Variants in KAZN observed in about 807,000 individuals in gnomAD.
KAZN encodes the protein kazrin, periplakin interacting protein, also known as kazrin.
In KAZN, 40 loss-of-function variants were observed where a neutral mutation model predicts 87.4. The ratio of observed to expected loss-of-function variants is 0.46; its 90% CI spans 0.36 to 0.60. The LOEUF is 0.60. KAZN is among the 20% of genes least tolerant of loss of function. The probability of loss-of-function intolerance (pLI) is 0.00; values close to 1 mark genes in which losing one functional copy is unlikely to be tolerated. For missense variants in KAZN, 898 were observed against 1,073.9 expected (o/e 0.84, Z 2.29); for synonymous variants, 466 against 458.3 (o/e 1.02, Z -0.22).
At chr1:14,308,529 TATATC>T (rs964270900) in intron 2 of KAZN, among the ~76,000 whole-genome samples, 4 of 152,240 alleles carry the variant, frequency 2.6e-5, no homozygotes, top group Non-Finnish European at 4.4e-5. Flanking sequence ...GAATTTCAGT[TATATC>T]AAAATTAAAA....
chr1:14,275,979 G>C (rs1652313101), intron 2 of KAZN, among the ~76,000 whole-genome samples: 1 of 152,150 alleles, frequency 6.6e-6, no homozygotes, highest in African/African-American at 2.4e-5. Context: ...AACATTTCCA[G>C]ACTGCTTTGT....
intron 2 of KAZN, among the ~76,000 whole-genome samples, chr1:14,213,603 G>C (rs1334789781): frequency 1.3e-5 from 2 of 152,194 alleles, no homozygotes; most frequent in South Asian, 4.1e-4. Context: ...GAGGTTAGTT[G>C]GTTAGAAAGG....
intron 2 of KAZN, 126 bp from the exon 3 acceptor site, chr1:15,034,623 T>G: frequency 8.6e-7 from 1 of 1,166,790 alleles, no homozygotes. Flanking sequence ...AAGGGACATT[T>G]CGTCTTTCTG....
intron 1 of KAZN, among the ~76,000 whole-genome samples, chr1:14,808,687 T>C (rs944998565): frequency 5.3e-5 from 8 of 152,146 alleles, no homozygotes; most frequent in Non-Finnish European, 1.0e-4. Flanking sequence ...TGAGATGTAT[T>C]ATTACAAAAA....
chr1:14,244,156 A>G (rs1379655654), intron 2 of KAZN, among the ~76,000 whole-genome samples: 4 of 152,210 alleles, frequency 2.6e-5, no homozygotes, highest in Non-Finnish European at 4.4e-5. Flanking sequence ...CCCTCTTTTC[A>G]GTTCCTTGAA....
At chr1:14,682,292 T>A (rs1640714581) in intron 1 of KAZN, among the ~76,000 whole-genome samples, 2 of 45,100 alleles carry the variant, frequency 4.4e-5, no homozygotes, top group Admixed American at 4.1e-4. Context: ...CAGAATTTCC[T>A]TTTTTTTTTT....
At chr1:14,841,716 T>C (rs1465545900) in intron 1 of KAZN, among the ~76,000 whole-genome samples, 1 of 152,214 alleles carries the variant, frequency 6.6e-6, no homozygotes, top group Non-Finnish European at 1.5e-5. Context: ...AGCAGGACTT[T>C]GTATTTTCCT....
intron 1 of KAZN, among the ~76,000 whole-genome samples, chr1:14,055,785 A>G (rs1375072111): frequency 6.6e-6 from 1 of 152,232 alleles, no homozygotes; most frequent in Non-Finnish European, 1.5e-5. Context: ...TCCACAGAGC[A>G]AAGGAAAATG....
chr1:15,071,486 C>T (rs1027101043), intron 8 of KAZN, among the ~76,000 whole-genome samples: 1 of 152,122 alleles, frequency 6.6e-6, no homozygotes, highest in Non-Finnish European at 1.5e-5. Context: ...AACGCCTGAC[C>T]TCAGGTGATC....
At chr1:14,685,208 T>C (rs1323973243) in intron 1 of KAZN, among the ~76,000 whole-genome samples, 1 of 152,172 alleles carries the variant, frequency 6.6e-6, no homozygotes, top group African/African-American at 2.4e-5. Flanking sequence ...CAGCTCCCAC[T>C]GGGAGAATGG....
chr1:13,943,863 A>G (rs1641033739), intron 1 of KAZN, among the ~76,000 whole-genome samples: 1 of 152,260 alleles, frequency 6.6e-6, no homozygotes, highest in Non-Finnish European at 1.5e-5. Context: ...AAGAACAGCT[A>G]CAATAAATAG....
At position 14,887,522 on chromosome 1, in the gene KAZN, G is replaced by A. The variant is rs182642237; in HGVS notation, c.227-73162G>A. Among the ~76,000 whole-genome samples the A allele has an allele frequency of 1.2e-4, 19 of 152,322 alleles. No individual in the cohort carries two copies. The East Asian group carries it at 2.1e-3, about 17-fold the overall frequency. On this transcript the variant is annotated intron_variant, in intron 1 of 14. Coordinates refer to ENST00000376030, the MANE Select transcript of KAZN (RefSeq NM_201628.3). Reference sequence around the variant, plus strand: ...TGACATTTCTAGTTTGTCTGCCTACGCAGGGTTATCAGGAGTAAAATAATT... The same window carrying A: ...TGACATTTCTAGTTTGTCTGCCTACACAGGGTTATCAGGAGTAAAATAATT...
chr1:14,539,261 A>G (rs1434565513), intron 2 of KAZN, among the ~76,000 whole-genome samples: 1 of 152,266 alleles, frequency 6.6e-6, no homozygotes, highest in Non-Finnish European at 1.5e-5. Flanking sequence ...AGGATATGGT[A>G]GAATTTGACC....
intron 2 of KAZN, among the ~76,000 whole-genome samples, chr1:14,546,907 T>A (rs1673182120): frequency 6.6e-6 from 1 of 152,190 alleles, no homozygotes; most frequent in African/African-American, 2.4e-5. Flanking sequence ...CTTTCCTGGA[T>A]CTGGAGTTCA....
intron 1 of KAZN, among the ~76,000 whole-genome samples, chr1:14,760,465 C>G (rs2100542354): frequency 6.6e-6 from 1 of 152,326 alleles, no homozygotes; most frequent in Non-Finnish European, 1.5e-5. Context: ...CAACTCGGCA[C>G]TCGCTGGCCC....
At chr1:15,035,235 CTA>C (rs1672141002) in intron 3 of KAZN, among the ~76,000 whole-genome samples, 2 of 152,178 alleles carry the variant, frequency 1.3e-5, no homozygotes, top group African/African-American at 4.8e-5. Flanking sequence ...AGTAAGGACT[CTA>C]TGAGATGATG....
At chr1:14,354,763 T>C (rs1320248071) in intron 2 of KAZN, among the ~76,000 whole-genome samples, 2 of 151,692 alleles carry the variant, frequency 1.3e-5, no homozygotes, top group African/African-American at 4.8e-5. Context: ...GGTGGGAGTA[T>C]AAAATGTTCC....
rs543229080 is a variant in KAZN at position 13,912,611 on chromosome 1, T to C, written c.91+18855T>C. Among the ~76,000 whole-genome samples the C allele has an allele frequency of 4.2e-5, 6 of 142,334 alleles. No homozygotes were observed. In the South Asian group the frequency reaches 1.3e-3, roughly 32 times the overall value. The allele number at this position is 142,334 out of a possible 152,430, so 93.4% of individuals were successfully genotyped here. A position where few individuals can be genotyped will look rare whatever the true frequency, so the allele number is the denominator to read the frequency against. The stretch of plus-strand genomic sequence containing the variant: ...AAAAATGAAATCCTACCTAATGCAA[T>C]TCTTTTTTTTGAGACAGGGTCTCAC... On this transcript the variant is annotated intron_variant, in intron 1 of 16. Coordinates refer to the KAZN transcript ENST00000636203.
intron 2 of KAZN, among the ~76,000 whole-genome samples, chr1:14,354,608 T>G (rs1658837502): frequency 6.6e-6 from 1 of 150,404 alleles, no homozygotes; most frequent in African/African-American, 2.4e-5. Flanking sequence ...AAACCAAAAT[T>G]AGTTACCACT....
Sources: gnomAD v4.1 joint callset for allele counts (sites outside exome capture counted in the v4.1 genomes callset) on GRCh38, gnomAD v4.1.1 for gene constraint, MANE v1.5 for transcripts, NCBI Gene and HGNC (gene_info 2026-07-23, HGNC 2026-07-21) for gene names.